The following TRABD2A variants were observed in gnomAD, a reference collection of about 807,000 sequenced individuals.
TRABD2A encodes metalloprotease TIKI1.
Under a neutral mutation model 45.6 loss-of-function variants are expected in TRABD2A, and 43 were observed. The ratio of observed to expected loss-of-function variants is 0.94; its 90% CI spans 0.74 to 1.22. The LOEUF (loss-of-function observed/expected upper bound fraction) is 1.22. TRABD2A is among the 50% of genes most tolerant of loss of function. The pLI is 0.00. For missense variants in TRABD2A, 642 were observed against 652.4 expected, an observed-to-expected ratio of 0.98 and a Z score of 0.17; for synonymous variants, 269 against 265.0, an observed-to-expected ratio of 1.02 and a Z score of -0.15.
chr2:84,847,141 G>A (rs577063061), intron 2 of TRABD2A, among the ~76,000 whole-genome samples: 1 of 152,200 alleles, frequency 6.6e-6, no homozygotes, highest in African/African-American at 2.4e-5. Context: ...GTCCAGGGCA[G>A]GGCGGTGCTC....
rs773927512 is a variant in TRABD2A, at chr2:84,863,239, C to CTTTTTTTTTTTTTTTTTTTTTTTTTTTT, written c.669+6985_669+6986insAAAAAAAAAAAAAAAAAAAAAAAAAAAA. ...CCAAAAGGTTAGACTTCATGTGAAT[C>CTTTTTTTTTTTTTTTTTTTTTTTTTTTT]TTTTTTTTTTTTTTTTTTTTTTTGA... On this transcript the variant is annotated intron_variant, in intron 2 of 6. Transcript: ENST00000409520. 6.1e-5 allele frequency among the ~76,000 whole-genome samples: 6 copies of CTTTTTTTTTTTTTTTTTTTTTTTTTTTT among 98,132 alleles called. 1 individual carries two copies. Among genetic ancestry groups the CTTTTTTTTTTTTTTTTTTTTTTTTTTTT allele is most frequent in the African/African-American group, 8.8e-5 (2 of 22,634 alleles). The allele number at this position is 98,132 out of a possible 152,430, so 64.4% of individuals were successfully genotyped here.
At chr2:84,880,327 C>G (rs1022254917) in intron 1 of TRABD2A, among the ~76,000 whole-genome samples, 1 of 152,112 alleles carries the variant, frequency 6.6e-6, no homozygotes, top group African/African-American at 2.4e-5. Context: ...CTAAAGCGCC[C>G]GGCTGGACAC....
At chr2:84,841,801 A>C in intron 3 of TRABD2A, 60 bp downstream of exon 3, 1 of 1,428,546 alleles carries the variant, frequency 7.0e-7, no homozygotes, top group Non-Finnish European at 9.2e-7. Context: ...GTTGCCAGGT[A>C]ATGTTTTTAT....
intron 2 of TRABD2A, among the ~76,000 whole-genome samples, chr2:84,845,982 G>A (rs7592256): frequency 0.79 from 119,577 of 151,986 alleles, 48,045 homozygotes; most frequent in East Asian, 0.99. Flanking sequence ...GGGAGGAGAA[G>A]GAAAGGCAGA....
At chr2:84,841,555 C>G (rs1681709018) in intron 3 of TRABD2A, among the ~76,000 whole-genome samples, 1 of 152,236 alleles carries the variant, frequency 6.6e-6, no homozygotes, top group Non-Finnish European at 1.5e-5. Context: ...AGGAGGCCAT[C>G]AGACTCAGAA....
chr2:84,870,896 A>C, intron 1 of TRABD2A, 111 bp from the exon 2 acceptor site: 1 of 1,142,716 alleles, frequency 8.8e-7, no homozygotes, highest in Non-Finnish European at 1.2e-6. Flanking sequence ...ATCAAAGTAG[A>C]ATTTAGACTT....
Position 84,823,965 on chromosome 2 carries a change from C to G in TRABD2A, c.1322G>C (p.Arg441Pro), listed in dbSNP as rs377499574. The G allele has an allele frequency of 1.2e-6, 2 of 1,613,814 alleles. No individual in the cohort carries two copies. Among genetic ancestry groups the G allele is most frequent in the East Asian group, 2.2e-5 (1 of 44,876 alleles). Residue 441 changes from arginine to proline, a missense_variant, in exon 6 of 7, where the codon CGC becomes CCC. Coordinates refer to ENST00000409520, the MANE Select transcript of TRABD2A (RefSeq NM_001277053.2). Reference protein sequence around the residue: ...RLRQFSDLWVRLEESDIVPQL... With the variant: ...RLRQFSDLWVPLEESDIVPQL... ...CTACTCGCCTGACCTCTCCTCCAGG[C>G]GGACCCACAGATCGCTGAATTGCCG...
chr2:84,859,741 C>G (rs1197101257), intron 2 of TRABD2A, among the ~76,000 whole-genome samples: 1 of 152,140 alleles, frequency 6.6e-6, no homozygotes, highest in East Asian at 1.9e-4. Context: ...GCTGGCCCCA[C>G]CCCAGAGTTT....
At chr2:84,844,211 A>T (rs1188270449) in intron 2 of TRABD2A, among the ~76,000 whole-genome samples, 3 of 152,164 alleles carry the variant, frequency 2.0e-5, no homozygotes, top group African/African-American at 7.2e-5. Flanking sequence ...CTTGAATTGT[A>T]GCTCCTAGAA....
At chr2:84,843,370 C>A (rs1285872230) in intron 2 of TRABD2A, among the ~76,000 whole-genome samples, 1 of 152,172 alleles carries the variant, frequency 6.6e-6, no homozygotes, top group Non-Finnish European at 1.5e-5. Flanking sequence ...CAGCAAATGA[C>A]CCTACCCAGC....
intron 5 of TRABD2A, among the ~76,000 whole-genome samples, chr2:84,828,124 C>G (rs11695709): frequency 0.024 from 3,691 of 152,238 alleles, 75 homozygotes; most frequent in South Asian, 0.06. Context: ...CAACAGGAAC[C>G]CCATCTCTTT....
At chr2:84,855,835 AG>A (rs1246596740) in intron 2 of TRABD2A, among the ~76,000 whole-genome samples, 1 of 151,524 alleles carries the variant, frequency 6.6e-6, no homozygotes, top group Non-Finnish European at 1.5e-5. Flanking sequence ...CCAGGGGTTG[AG>A]GGGGTGGGTG....
intron 1 of TRABD2A, among the ~76,000 whole-genome samples, chr2:84,872,399 C>T (rs190821345): frequency 9.3e-4 from 142 of 152,132 alleles, no homozygotes; most frequent in African/African-American, 3.2e-3. Context: ...GTCCCAGCTA[C>T]TCAAGAGGCT....
intron 1 of TRABD2A, among the ~76,000 whole-genome samples, chr2:84,871,564 G>C (rs1192967137): frequency 6.6e-6 from 1 of 151,654 alleles, no homozygotes; most frequent in Non-Finnish European, 1.5e-5. Context: ...TCACTTCACT[G>C]CAACCTCAGC....
At chr2:84,868,605 C>T (rs1013276399) in intron 2 of TRABD2A, among the ~76,000 whole-genome samples, 20 of 151,842 alleles carry the variant, frequency 1.3e-4, no homozygotes, top group Non-Finnish European at 2.5e-4. Flanking sequence ...ACCAATATGG[C>T]GCATGTATAT....
At position 84,841,903 on chromosome 2, in the gene TRABD2A, G is replaced by T. The variant is rs550108794; in HGVS notation, c.774C>A (p.Cys258Ter). The part of the protein sequence containing the change: ...TTEDLIKHYN[C>*]GDLSSVILSH... Reference sequence around the variant, plus strand: ...TGAGGATGACGGAGCTGAGGTCCCCGCAGTTATAGTGTTTGATGAGATCCT... The same window carrying T: ...TGAGGATGACGGAGCTGAGGTCCCCTCAGTTATAGTGTTTGATGAGATCCT... The change falls in exon 3 of 7, where the codon TGC becomes TGA. Residue 258 changes from cysteine to a stop codon, truncating the protein, a stop_gained. Coordinates refer to ENST00000409520, the MANE Select transcript of TRABD2A (RefSeq NM_001277053.2). LOFTEE classifies it high-confidence loss of function. The T allele has an allele frequency of 1.3e-6, 2 of 1,547,014 alleles. No individual in the cohort carries two copies. Among genetic ancestry groups the T allele is most frequent in the Non-Finnish European group, 1.7e-6 (2 of 1,145,920 alleles).
intron 4 of TRABD2A, chr2:84,838,139 G>A: frequency 1.5e-6 from 1 of 687,794 alleles, no homozygotes; most frequent in Non-Finnish European, 2.7e-6. Flanking sequence ...ATGGAGCTTT[G>A]GAGGAACTTT....
rs1681356480 is a variant in TRABD2A, at chr2:84,832,035, TA to T, written c.1082+19del. The T allele has an allele frequency of 3.7e-6, 6 of 1,613,684 alleles. No homozygotes were observed. The highest frequency in any genetic ancestry group is 5.1e-6 in the Non-Finnish European group (6 of 1,179,784). On this transcript the variant is annotated intron_variant, in intron 5 of 6. Transcript: ENST00000409520. ...GAGGGTCTCAGCTCCCCAGCCAAGA[TA>T]GAAGCACAGGACGGTTACTTGTGGA...
In TRABD2A at chr2:84,848,770, C is replaced by T. The variant is rs541656974; in HGVS notation, c.670-6763G>A. Among the ~76,000 whole-genome samples the T allele has an allele frequency of 7.2e-5, 11 of 151,994 alleles. No individual in the cohort carries two copies. In the South Asian group the frequency reaches 2.3e-3, roughly 32 times the overall value. ...TTGTAATTCTGTAGAGACGGAGTTT[C>T]GCCATATTAGCCAGGCTGGTCTTGA... On this transcript the variant is annotated intron_variant, in intron 2 of 6. Coordinates refer to ENST00000409520, the MANE Select transcript of TRABD2A (RefSeq NM_001277053.2).
Sources: gnomAD v4.1 joint callset for allele counts (sites outside exome capture counted in the v4.1 genomes callset) on GRCh38, gnomAD v4.1.1 for gene constraint, MANE v1.5 for transcripts, NCBI Gene and HGNC (gene_info 2026-07-23, HGNC 2026-07-21) for gene names.